Variants in MORN3 observed in about 807,000 individuals in gnomAD.
MORN3 encodes MORN repeat containing 3.
MORN3 carries 38 observed loss-of-function variants against 34.7 expected under a neutral mutation model. The observed-to-expected ratio is 1.10, with a 90% CI of 0.85 to 1.44. MORN3 has a LOEUF of 1.44. Among genes scored for constraint, MORN3 ranks in the 40% most tolerant of loss-of-function variants. The pLI is 0.00. For synonymous variants in MORN3, 109 were observed against 115.3 expected, an observed-to-expected ratio of 0.95 and a Z score of 0.35; for missense variants, 311 against 321.7, an observed-to-expected ratio of 0.97 and a Z score of 0.25.
Position 121,649,518 on chromosome 12 carries a change from A to G in MORN3, c.*2133T>C, listed in dbSNP as rs1197212707. ...ATTAATTCTGCATCCTAGGGTGGCC[A>G]GGCGGGGCTTCCCAGTGCCAGAGGT... On this transcript the variant is annotated 3_prime_UTR_variant, in exon 6 of 6. Transcript: ENST00000355329. 1.3e-5 allele frequency: 2 copies of G among 152,118 alleles called. No homozygotes were observed. Among genetic ancestry groups the G allele is most frequent in the Non-Finnish European group, 2.9e-5 (2 of 68,036 alleles). 9.4% of individuals were successfully genotyped at this position (152,118 alleles called of 1,614,324 possible).
In MORN3 at chr12:121,662,830, CAGG is replaced by C. The variant is rs1893625786; in HGVS notation, c.146-3485_146-3483del. Among the ~76,000 whole-genome samples the C allele has an allele frequency of 2.0e-5, 3 of 151,578 alleles. No homozygotes were observed. In the East Asian group the frequency reaches 5.8e-4, roughly 29 times the overall value. On this transcript the variant is annotated intron_variant, in intron 1 of 5. Coordinates refer to ENST00000355329, the MANE Select transcript of MORN3 (RefSeq NM_173855.5). The stretch of plus-strand genomic sequence containing the variant: ...CTGAAGCGGGCAGATCACCTGAGGT[CAGG>C]AGTTCAAGAACAGCCTGGCCAACAT...
At chr12:121,659,113 G>T in intron 2 of MORN3, 78 bp downstream of exon 2, 1 of 1,528,466 alleles carries the variant, frequency 6.5e-7, no homozygotes, top group South Asian at 1.2e-5. Flanking sequence ...GGCCTCTCTC[G>T]GCTTCCCCTA....
At chr12:121,660,889 G>A (rs1445967769) in intron 1 of MORN3, among the ~76,000 whole-genome samples, 2 of 151,440 alleles carry the variant, frequency 1.3e-5, no homozygotes, top group East Asian at 1.9e-4. Flanking sequence ...GGCTGGTCTC[G>A]AACTCCCGAC....
intron 1 of MORN3, among the ~76,000 whole-genome samples, chr12:121,664,893 T>C (rs1217488831): frequency 1.5e-5 from 2 of 136,472 alleles, no homozygotes; most frequent in Non-Finnish European, 1.5e-5. Context: ...AAAAAGACAC[T>C]GATGGATGCT....
intron 1 of MORN3, among the ~76,000 whole-genome samples, chr12:121,660,141 T>G (rs1443691273): frequency 6.6e-6 from 1 of 150,670 alleles, no homozygotes; most frequent in Non-Finnish European, 1.5e-5. Context: ...AGCTGAGGCA[T>G]GAGAATCTCT....
At chr12:121,663,863 C>T (rs959042665) in intron 1 of MORN3, among the ~76,000 whole-genome samples, 17 of 151,912 alleles carry the variant, frequency 1.1e-4, no homozygotes, top group African/African-American at 2.9e-4. Flanking sequence ...ATTGTAGGGG[C>T]TGTTGGGTTG....
At chr12:121,670,974 G>C (rs1305356328), upstream of MORN3, among the ~76,000 whole-genome samples, 2 of 151,312 alleles carry the variant, frequency 1.3e-5, no homozygotes, top group Non-Finnish European at 2.9e-5. Flanking sequence ...AGCTGGGTGT[G>C]GTGGCGGGCG....
At chr12:121,658,565 CAAAA>C (rs62682762) in intron 2 of MORN3, among the ~76,000 whole-genome samples, 2 of 68,798 alleles carry the variant, frequency 2.9e-5, no homozygotes. Flanking sequence ...GACTCCCTCT[CAAAA>C]AAAAAAAAAA....
intron 1 of MORN3, among the ~76,000 whole-genome samples, chr12:121,662,929 G>A (rs1448530001): frequency 6.6e-6 from 1 of 151,982 alleles, no homozygotes; most frequent in East Asian, 1.9e-4. Context: ...AGAGGTTGCA[G>A]TGATCCAAGA....
intron 1 of MORN3, among the ~76,000 whole-genome samples, chr12:121,668,292 C>T (rs1039930648): frequency 2.0e-5 from 3 of 151,902 alleles, no homozygotes; most frequent in Non-Finnish European, 4.4e-5. Flanking sequence ...CCTGTAATCC[C>T]AGCACTTTGG....
chr12:121,672,369 A>T (rs1403323302), upstream of MORN3, among the ~76,000 whole-genome samples: 1 of 151,822 alleles, frequency 6.6e-6, no homozygotes, highest in East Asian at 1.9e-4. Flanking sequence ...CTGAGGTGGG[A>T]AGATGCCTTG....
chr12:121,658,286 G>A (rs1555325905), intron 2 of MORN3, among the ~76,000 whole-genome samples: 3 of 152,150 alleles, frequency 2.0e-5, no homozygotes, highest in African/African-American at 7.2e-5. Context: ...TGTGTTTCAG[G>A]CCGGGCGCGG....
chr12:121,655,374 G>A (rs1440249474), intron 2 of MORN3, among the ~76,000 whole-genome samples: 2 of 150,670 alleles, frequency 1.3e-5, no homozygotes, highest in Non-Finnish European at 3.0e-5. Flanking sequence ...GATCATGCTC[G>A]CCCCCCTCCC....
At chr12:121,653,813 TA>T (rs1893323117) in intron 3 of MORN3, among the ~76,000 whole-genome samples, 1 of 152,054 alleles carries the variant, frequency 6.6e-6, no homozygotes, top group African/African-American at 2.4e-5. Context: ...GCTTTTTTTT[TA>T]AAAATTGAGA....
chr12:121,669,834 T>TAATATATATATATATATATATATATA (rs1566488482), upstream of MORN3, among the ~76,000 whole-genome samples: 27 of 92,258 alleles, frequency 2.9e-4, no homozygotes, highest in African/African-American at 8.7e-4. Flanking sequence ...ATATATATAT[T>TAATATATATATATATATATATATATA]TTTTTTTTTA....
intron 1 of MORN3, 25 bp downstream of exon 1, chr12:121,669,314 C>A: frequency 1.9e-6 from 3 of 1,611,022 alleles, no homozygotes; most frequent in Non-Finnish European, 2.5e-6. Context: ...CCCACTCCGG[C>A]CGCCCGTCCC....
rs566839152 is a variant in MORN3, at chr12:121,649,862, C to CTTTTTTTTT, written c.*1780_*1788dup. The CTTTTTTTTT allele has an allele frequency of 8.3e-6, 1 of 120,928 alleles. No homozygotes were observed. The highest frequency in any genetic ancestry group is 1.7e-5 in the Non-Finnish European group (1 of 57,840). The allele number at this position is 120,928 out of a possible 1,614,324, so 7.5% of individuals were successfully genotyped here. ...TAGTTGGGATTACAGGTGCTGAATT[C>CTTTTTTTTT]TTTTTTTTTTTTTTTTTTGTAGCAT... On this transcript the variant is annotated 3_prime_UTR_variant, in exon 6 of 6. Transcript: ENST00000355329.
Position 121,659,351 on chromosome 12 carries a change from G to A in MORN3, c.146-3C>T. 1 of 1,613,608 alleles carries A rather than the reference G, an allele frequency of 6.2e-7. No homozygotes were observed. Among genetic ancestry groups the A allele is most frequent in the Non-Finnish European group, 8.5e-7 (1 of 1,179,786 alleles). On this transcript the variant is annotated splice_polypyrimidine_tract_variant and splice_region_variant and intron_variant, in intron 1 of 5. Coordinates refer to ENST00000355329, the MANE Select transcript of MORN3 (RefSeq NM_173855.5). ...CTTCCAGACCTGTGTTCCTTTCCCT[G>A]GTGACACACAGATGGGCAATGCTGC... is the stretch of plus-strand genomic sequence containing the variant.
intron 2 of MORN3, among the ~76,000 whole-genome samples, chr12:121,657,921 C>T (rs1336844143): frequency 6.6e-6 from 1 of 151,892 alleles, no homozygotes; most frequent in Non-Finnish European, 1.5e-5. Context: ...CCCACACAGC[C>T]AGTTCTGTGT....
Sources: allele counts gnomAD v4.1 joint callset (sites outside exome capture counted in the v4.1 genomes callset), GRCh38; gene constraint gnomAD v4.1.1; transcripts MANE v1.5; gene names NCBI Gene and HGNC (gene_info 2026-07-23, HGNC 2026-07-21).